Variants in PRKACB observed in about 807,000 individuals in gnomAD.
PRKACB encodes cAMP-dependent protein kinase catalytic subunit beta.
Under a neutral mutation model 51.4 loss-of-function variants are expected in PRKACB, and 16 were observed. The ratio of observed to expected loss-of-function variants is 0.31; its 90% CI spans 0.21 to 0.47. The LOEUF (loss-of-function observed/expected upper bound fraction) is 0.47, where lower values mean the gene tolerates loss of function less well. Among genes scored for constraint, PRKACB ranks in the 20% least tolerant of loss-of-function variants. PRKACB has a pLI of 1.00. For synonymous variants in PRKACB, 147 were observed against 154.4 expected, an observed-to-expected ratio of 0.95 and a Z score of 0.35; for missense variants, 309 against 464.5, an observed-to-expected ratio of 0.67 and a Z score of 3.08.
intron 9 of PRKACB, among the ~76,000 whole-genome samples, chr1:84,227,200 T>G (rs1288084217): frequency 1.3e-5 from 2 of 152,042 alleles, no homozygotes; most frequent in African/African-American, 2.4e-5. Context: ...CTGCAGAAAA[T>G]TTAGGAACAT....
At chr1:84,123,380 A>T (rs573929477) in intron 1 of PRKACB, among the ~76,000 whole-genome samples, 12 of 152,354 alleles carry the variant, frequency 7.9e-5, no homozygotes, top group African/African-American at 2.4e-4. Flanking sequence ...TACTGAAATC[A>T]GCACCAATTC....
At position 84,238,312 on chromosome 1, in the gene PRKACB, T is replaced by C. The variant is rs1229704616; in HGVS notation, c.*3007T>C. ...TAAGAATCAAATGAAATAATGTATG[T>C]GAAAGCACCTTGTAAACTGTAACCT... On this transcript the variant is annotated 3_prime_UTR_variant, in exon 10 of 10. Transcript: ENST00000370685. 1.3e-5 allele frequency: 2 copies of C among 152,620 alleles called. No homozygotes were observed. The highest frequency in any genetic ancestry group is 2.9e-5 in the Non-Finnish European group (2 of 68,028). The allele number at this position is 152,620 out of a possible 1,614,324, so 9.5% of individuals were successfully genotyped here.
At position 84,160,570 on chromosome 1, in the gene PRKACB, A is replaced by G. The variant is rs1656055987; in HGVS notation, c.187+16022A>G. On this transcript the variant is annotated intron_variant, in intron 1 of 9. Coordinates refer to ENST00000370685, the MANE Select transcript of PRKACB (RefSeq NM_182948.4). ...AATATATTATATATAATATAATACTATAATATATAATAATATATACAAAGC... is the reference window on the plus strand; with the variant it reads ...AATATATTATATATAATATAATACTGTAATATATAATAATATATACAAAGC... Among the ~76,000 whole-genome samples the G allele has an allele frequency of 2.0e-5, 3 of 147,618 alleles. No individual in the cohort carries two copies. In the South Asian group the frequency reaches 6.3e-4, roughly 31 times the overall value.
In PRKACB at chr1:84,145,076, CATT is replaced by C. The variant is rs41300506; in HGVS notation, c.187+531_187+533del. ...TCTATCTAAATTCTTACACTTATAACATTATGGATATCAAAAACTTTATAATTA... is the reference window on the plus strand; with the variant it reads ...TCTATCTAAATTCTTACACTTATAACATGGATATCAAAAACTTTATAATTA... On this transcript the variant is annotated intron_variant, in intron 1 of 9. Transcript: ENST00000370685. Among the ~76,000 whole-genome samples the C allele has an allele frequency of 6.2e-3, 944 of 152,076 alleles. 13 individuals are homozygous for C. The highest frequency in any genetic ancestry group is 0.021 in the African/African-American group (871 of 41,522).
intron 1 of PRKACB, chr1:84,078,507 C>T: frequency 3.1e-6 from 3 of 982,102 alleles, no homozygotes; most frequent in Admixed American, 2.8e-5. Flanking sequence ...TCTGGGGGGC[C>T]GGGAGACCAG....
intron 1 of PRKACB, among the ~76,000 whole-genome samples, chr1:84,150,288 A>G (rs896734299): frequency 6.6e-6 from 1 of 152,192 alleles, no homozygotes; most frequent in Non-Finnish European, 1.5e-5. Flanking sequence ...AAAATAAATT[A>G]AAATAAAATA....
intron 1 of PRKACB, among the ~76,000 whole-genome samples, chr1:84,122,952 G>C (rs149477066): frequency 6.5e-4 from 99 of 152,168 alleles, no homozygotes; most frequent in Admixed American, 1.0e-3. Context: ...AGATTTTTCT[G>C]GTATGTATGT....
intron 1 of PRKACB, chr1:84,085,949 T>C: frequency 1.4e-6 from 1 of 693,922 alleles, no homozygotes; most frequent in South Asian, 1.7e-5. Flanking sequence ...GGACCTGACT[T>C]TCAAGACCAA....
intron 1 of PRKACB, 59 bp from the exon 2 acceptor site, chr1:84,179,118 C>A (rs1662334803): frequency 1.4e-6 from 2 of 1,477,160 alleles, no homozygotes; most frequent in Non-Finnish European, 1.8e-6. Context: ...TATAAATATT[C>A]TTATACAGAA....
intron 9 of PRKACB, among the ~76,000 whole-genome samples, chr1:84,230,027 T>A (rs1316030848): frequency 6.6e-6 from 1 of 151,704 alleles, no homozygotes; most frequent in African/African-American, 2.4e-5. Flanking sequence ...TCCTGAATGG[T>A]AATGCCTAGG....
At chr1:84,173,211 T>C (rs1442928381) in intron 1 of PRKACB, 20 of 637,668 alleles carry the variant, frequency 3.1e-5, no homozygotes, top group Non-Finnish European at 4.7e-5. Context: ...GTATGTTCAA[T>C]TGTTTTATCA....
intron 1 of PRKACB, among the ~76,000 whole-genome samples, chr1:84,089,562 C>T (rs1441532609): frequency 6.6e-6 from 1 of 152,130 alleles, no homozygotes. Flanking sequence ...ACTTCTTATT[C>T]ATCAAATATT....
At chr1:84,088,091 C>T (rs1013854790) in intron 1 of PRKACB, among the ~76,000 whole-genome samples, 2 of 152,086 alleles carry the variant, frequency 1.3e-5, no homozygotes, top group Admixed American at 6.6e-5. Context: ...GAATCAAATT[C>T]GGGATTCTTA....
chr1:84,220,208 T>A (rs1056941884), intron 9 of PRKACB, among the ~76,000 whole-genome samples: 3 of 152,182 alleles, frequency 2.0e-5, no homozygotes, highest in Non-Finnish European at 4.4e-5. Context: ...TTATTTATTT[T>A]TTTGTAGCTA....
intron 8 of PRKACB, among the ~76,000 whole-genome samples, chr1:84,208,814 A>G (rs1394195824): frequency 6.6e-6 from 1 of 152,214 alleles, no homozygotes; most frequent in African/African-American, 2.4e-5. Context: ...GATGAGATAT[A>G]CTCTCATTGT....
intron 9 of PRKACB, among the ~76,000 whole-genome samples, chr1:84,232,374 GTGC>G (rs1469107876): frequency 1.3e-5 from 2 of 152,102 alleles, no homozygotes; most frequent in African/African-American, 4.8e-5. Flanking sequence ...GTGTGGTGTG[GTGC>G]TGAAAAAAAT....
intron 1 of PRKACB, among the ~76,000 whole-genome samples, chr1:84,110,073 T>C (rs1469073230): frequency 6.6e-6 from 1 of 151,978 alleles, no homozygotes; most frequent in Non-Finnish European, 1.5e-5. Context: ...TGTGCATATA[T>C]ACATGTATGT....
chr1:84,092,311 T>G (rs974968705), intron 1 of PRKACB, among the ~76,000 whole-genome samples: 6 of 152,216 alleles, frequency 3.9e-5, no homozygotes, highest in Non-Finnish European at 8.8e-5. Context: ...CTTTCACTTA[T>G]GTATTTGTGA....
chr1:84,179,683 ATAAT>A (rs1360643590), intron 2 of PRKACB, among the ~76,000 whole-genome samples: 3 of 152,012 alleles, frequency 2.0e-5, no homozygotes, highest in Non-Finnish European at 2.9e-5. Context: ...TATGTTCTAT[ATAAT>A]TAAAGTATTT....
Sources: gnomAD v4.1 joint callset for allele counts (sites outside exome capture counted in the v4.1 genomes callset) on GRCh38, gnomAD v4.1.1 for gene constraint, MANE v1.5 for transcripts, NCBI Gene and HGNC (gene_info 2026-07-23, HGNC 2026-07-21) for gene names.